CNTNAP2: variants seen among roughly 807,000 people sequenced by gnomAD.
CNTNAP2 encodes contactin-associated protein-like 2.
CNTNAP2 carries 98 observed loss-of-function variants against 155.2 expected under a neutral mutation model. The observed-to-expected ratio is 0.63, with a 90% CI of 0.54 to 0.75. The LOEUF is 0.75. CNTNAP2 is among the 30% of genes least tolerant of loss of function. The pLI is 0.00. For missense variants in CNTNAP2, 1,727 were observed against 1,688.1 expected, an observed-to-expected ratio of 1.02 and a Z score of -0.40; for synonymous variants, 651 against 631.2, an observed-to-expected ratio of 1.03 and a Z score of -0.47.
chr7:147,995,544 T>G (rs78074653), intron 15 of CNTNAP2, among the ~76,000 whole-genome samples: 2 of 151,718 alleles, frequency 1.3e-5, no homozygotes, highest in Non-Finnish European at 2.9e-5. Context: ...TTTTTTTTTT[T>G]TGAGATGGAA....
intron 13 of CNTNAP2, among the ~76,000 whole-genome samples, chr7:147,653,473 T>A (rs1369668484): frequency 1.3e-5 from 2 of 152,200 alleles, no homozygotes; most frequent in East Asian, 3.9e-4. Flanking sequence ...GAAATTCAAC[T>A]ATCAGAGATA....
chr7:147,811,635 G>T (rs1003547925), intron 13 of CNTNAP2, among the ~76,000 whole-genome samples: 2 of 152,116 alleles, frequency 1.3e-5, no homozygotes, highest in African/African-American at 4.8e-5. Context: ...TATCAAATAT[G>T]CTTAAACCCT....
intron 13 of CNTNAP2, among the ~76,000 whole-genome samples, chr7:147,708,507 G>A (rs1279355665): frequency 3.3e-5 from 5 of 152,126 alleles, no homozygotes; most frequent in Non-Finnish European, 5.9e-5. Flanking sequence ...GGGCTTGGGG[G>A]CAGAGGGTGT....
intron 13 of CNTNAP2, among the ~76,000 whole-genome samples, chr7:147,740,096 C>A (rs975030608): frequency 1.3e-5 from 2 of 152,150 alleles, no homozygotes; most frequent in African/African-American, 4.8e-5. Context: ...GGGCTGGCTT[C>A]AGGTTTAGTT....
intron 10 of CNTNAP2, among the ~76,000 whole-genome samples, chr7:147,443,080 C>T (rs745747471): frequency 5.3e-5 from 8 of 152,140 alleles, no homozygotes; most frequent in Admixed American, 2.6e-4. Flanking sequence ...CAGTTCAGCA[C>T]TAGGACTTAG....
Position 146,571,996 on chromosome 7 carries a change from G to A in CNTNAP2, c.98-202275G>A, listed in dbSNP as rs867504604. Among the ~76,000 whole-genome samples the A allele has an allele frequency of 6.6e-5, 10 of 152,288 alleles. No individual in the cohort carries two copies. In the South Asian group the frequency reaches 1.0e-3, roughly 16 times the overall value. Reference sequence around the variant, plus strand: ...GGCCTCCCGAAGTGCCGGGATTACAGGTGTGAGCCACCGCACCTGGCCAAA... The same window carrying A: ...GGCCTCCCGAAGTGCCGGGATTACAAGTGTGAGCCACCGCACCTGGCCAAA... On this transcript the variant is annotated intron_variant, in intron 1 of 23. Transcript: ENST00000361727.
At chr7:146,994,417 T>C (rs10276778) in intron 3 of CNTNAP2, among the ~76,000 whole-genome samples, 20,173 of 152,110 alleles carry the variant, frequency 0.13, 2,563 homozygotes, top group African/African-American at 0.32. Flanking sequence ...AAAGACGTGA[T>C]GAATTCTTAA....
In CNTNAP2 at chr7:146,452,299, T is replaced by C. The variant is rs574114521; in HGVS notation, c.98-321972T>C. Among the ~76,000 whole-genome samples the C allele has an allele frequency of 2.0e-5, 3 of 152,290 alleles. No individual in the cohort carries two copies. In the South Asian group the frequency reaches 6.2e-4, roughly 32 times the overall value. On this transcript the variant is annotated intron_variant, in intron 1 of 23. Coordinates refer to ENST00000361727, the MANE Select transcript of CNTNAP2 (RefSeq NM_014141.6). ...TTTGTGTATTCATTTTCATCCTCCA[T>C]TAGTTGGGTTTAAAAAGCATGATAC...
chr7:148,330,467 A>G (rs1377718653), intron 21 of CNTNAP2, among the ~76,000 whole-genome samples: 1 of 148,932 alleles, frequency 6.7e-6, no homozygotes, highest in Non-Finnish European at 1.5e-5. Flanking sequence ...GATGGAGTGG[A>G]TGGATGAAGT....
At chr7:147,414,210 C>G (rs578003674) in intron 10 of CNTNAP2, among the ~76,000 whole-genome samples, 1 of 151,656 alleles carries the variant, frequency 6.6e-6, no homozygotes, top group South Asian at 2.1e-4. Flanking sequence ...CGATCGCTTG[C>G]GATCAGGAGT....
At chr7:146,621,089 C>A (rs1481508805) in intron 1 of CNTNAP2, among the ~76,000 whole-genome samples, 2 of 152,036 alleles carry the variant, frequency 1.3e-5, no homozygotes, top group Non-Finnish European at 2.9e-5. Flanking sequence ...TAGCAAATGC[C>A]GAGCTAGAGC....
chr7:147,588,305 G>A (rs528319541), intron 12 of CNTNAP2, among the ~76,000 whole-genome samples: 2 of 152,096 alleles, frequency 1.3e-5, no homozygotes, highest in East Asian at 3.9e-4. Flanking sequence ...GGAGAAGATG[G>A]GATCATCTCA....
chr7:146,622,436 C>T (rs1332214955), intron 1 of CNTNAP2, among the ~76,000 whole-genome samples: 3 of 151,850 alleles, frequency 2.0e-5, no homozygotes, highest in African/African-American at 7.3e-5. Context: ...TATAATTGTG[C>T]AAGGGGATAT....
intron 18 of CNTNAP2, among the ~76,000 whole-genome samples, chr7:148,187,032 A>T (rs1795126322): frequency 1.3e-5 from 2 of 152,150 alleles, no homozygotes; most frequent in East Asian, 3.9e-4. Flanking sequence ...CCTAAGTCCT[A>T]AAAGTTCTGA....
intron 8 of CNTNAP2, among the ~76,000 whole-genome samples, chr7:147,212,543 A>G (rs988862673): frequency 2.0e-5 from 3 of 152,138 alleles, no homozygotes; most frequent in Non-Finnish European, 4.4e-5. Flanking sequence ...ATTGGTACTC[A>G]TTGACAAAAA....
At chr7:147,775,835 G>A (rs1408691575) in intron 13 of CNTNAP2, among the ~76,000 whole-genome samples, 1 of 152,070 alleles carries the variant, frequency 6.6e-6, no homozygotes, top group Non-Finnish European at 1.5e-5. Flanking sequence ...TTACTGACTG[G>A]CATTCATGGG....
chr7:147,800,362 T>C (rs2116587584), intron 13 of CNTNAP2, among the ~76,000 whole-genome samples: 1 of 152,006 alleles, frequency 6.6e-6, no homozygotes, highest in South Asian at 2.1e-4. Context: ...AAGGAGGAAA[T>C]GAGATTTTTT....
intron 10 of CNTNAP2, among the ~76,000 whole-genome samples, chr7:147,459,753 T>G (rs1797985004): frequency 6.6e-6 from 1 of 152,180 alleles, no homozygotes; most frequent in South Asian, 2.1e-4. Flanking sequence ...CTCCAGAATT[T>G]TAAGACAATA....
In CNTNAP2 at chr7:147,403,329, A is replaced by G. The variant is rs180981228; in HGVS notation, c.1670+7549A>G. ...GTTGTCTCATGTCTCCCTAAAATGT[A>G]TAAAACCAAGTCACACCCCAACCAC... is the stretch of plus-strand genomic sequence containing the variant. On this transcript the variant is annotated intron_variant, in intron 10 of 23. Coordinates refer to ENST00000361727, the MANE Select transcript of CNTNAP2 (RefSeq NM_014141.6). 4.5e-3 allele frequency among the ~76,000 whole-genome samples: 693 copies of G among 152,324 alleles called. 3 individuals are homozygous for G. The highest frequency in any genetic ancestry group is 0.014 in the Middle Eastern group (4 of 294).
Sources: allele counts gnomAD v4.1 joint callset (sites outside exome capture counted in the v4.1 genomes callset), GRCh38; gene constraint gnomAD v4.1.1; transcripts MANE v1.5; gene names NCBI Gene and HGNC (gene_info 2026-07-23, HGNC 2026-07-21).